Variants in IGSF9B observed in about 807,000 individuals in gnomAD.
IGSF9B encodes immunoglobulin superfamily member 9B, also known as protein turtle homolog B.
Under a neutral mutation model 143.7 loss-of-function variants are expected in IGSF9B, and 48 were observed. The ratio of observed to expected loss-of-function variants is 0.33; its 90% CI spans 0.26 to 0.42. The LOEUF (loss-of-function observed/expected upper bound fraction) is 0.42. Among genes scored for constraint, IGSF9B ranks in the 20% least tolerant of loss-of-function variants. The pLI is 1.00. For missense variants in IGSF9B, 1,706 were observed against 1,980.0 expected (o/e 0.86, Z 2.63); for synonymous variants, 903 against 833.1 (o/e 1.08, Z -1.44).
chr11:133,897,464 TGTCC>T lies in IGSF9B; in HGVS notation c.*11601_*11604del, dbSNP rs1939039582. On this transcript the variant is annotated 3_prime_UTR_variant, in exon 20 of 20. Transcript: ENST00000533871. ...GCAGTCTGCTCAGGCAGCAGAAGGGTGTCCCATCCTCACCGTCATCTTTTACTTC... is the reference window on the plus strand; with the variant it reads ...GCAGTCTGCTCAGGCAGCAGAAGGGTCATCCTCACCGTCATCTTTTACTTC... 6.6e-6 allele frequency: 1 copy of T among 152,148 alleles called. No individual in the cohort carries two copies. Among genetic ancestry groups the T allele is most frequent in the Non-Finnish European group, 1.5e-5 (1 of 68,064 alleles). 9.4% of individuals were successfully genotyped at this position (152,148 alleles called of 1,614,324 possible).
chr11:133,925,280 TC>T (rs769397509), intron 14 of IGSF9B, among the ~76,000 whole-genome samples: 22 of 152,314 alleles, frequency 1.4e-4, no homozygotes, highest in Non-Finnish European at 2.1e-4. Context: ...CAGCTAGATA[TC>T]CAAGTTTAAC....
In IGSF9B at chr11:133,925,840, C is replaced by G; in HGVS notation, c.1933G>C (p.Asp645His). Residue 645 changes from aspartate (D) to histidine (H), a missense_variant, in exon 14 of 20, where the codon GAC becomes CAC. Physicochemically the swap from Asp to His is moderately conservative, Grantham distance 81. This residue lies in a region of IGSF9B where 267 missense variants were observed against 321.1 expected (regional missense o/e 0.83). Coordinates refer to ENST00000533871, the MANE Select transcript of IGSF9B (RefSeq NM_001277285.4). Reference sequence around the variant, plus strand: ...ACACGGAACTCCATGATGTAGCGGTCGATGGGAAAGCTGTGGTTGGCAGGC... The same window carrying G: ...ACACGGAACTCCATGATGTAGCGGTGGATGGGAAAGCTGTGGTTGGCAGGC... ...LPPANHSFPI[D>H]RYIMEFRVAE... 6.2e-7 allele frequency: 1 copy of G among 1,613,810 alleles called. No homozygotes were observed. Among genetic ancestry groups the G allele is most frequent in the Non-Finnish European group, 8.5e-7 (1 of 1,179,858 alleles).
At chr11:133,955,606 A>T (rs1940237028) in intron 1 of IGSF9B, among the ~76,000 whole-genome samples, 1 of 152,078 alleles carries the variant, frequency 6.6e-6, no homozygotes, top group African/African-American at 2.4e-5. Context: ...GGCTTGGTGA[A>T]CTTGCCCGCA....
Position 133,930,978 on chromosome 11 carries a change from A to T in IGSF9B, c.1519+6T>A. ...GCCGCCCGGCCCAGCCTTGCCGGCCACGTACCGATGACGGTGAGGTGGGTG... is the reference window on the plus strand; with the variant it reads ...GCCGCCCGGCCCAGCCTTGCCGGCCTCGTACCGATGACGGTGAGGTGGGTG... On this transcript the variant is annotated splice_donor_region_variant and intron_variant, in intron 11 of 19. Coordinates refer to ENST00000533871, the MANE Select transcript of IGSF9B (RefSeq NM_001277285.4). 6.2e-7 allele frequency: 1 copy of T among 1,607,194 alleles called. No homozygotes were observed. The highest frequency in any genetic ancestry group is 8.5e-7 in the Non-Finnish European group (1 of 1,176,336).
At position 133,954,550 on chromosome 11, in the gene IGSF9B, G is replaced by A. The variant is rs145645647; in HGVS notation, c.64+2141C>T. Among the ~76,000 whole-genome samples, 396 of 152,288 alleles carry A rather than the reference G, an allele frequency of 2.6e-3. 1 individual carries two copies. The highest frequency in any genetic ancestry group is 6.0e-3 in the Admixed American group (92 of 15,298). ...AATAATGTTAATGTTTACTGAGCACGTACTATATAACAGGTAGTTGTTTTG... is the reference window on the plus strand; with the variant it reads ...AATAATGTTAATGTTTACTGAGCACATACTATATAACAGGTAGTTGTTTTG... On this transcript the variant is annotated intron_variant, in intron 1 of 19. Coordinates refer to ENST00000533871, the MANE Select transcript of IGSF9B (RefSeq NM_001277285.4).
chr11:133,913,628 G>A lies in IGSF9B; in HGVS notation c.3984-1621C>T, dbSNP rs1411672958. Among the ~76,000 whole-genome samples, 1 of 152,172 alleles carries A rather than the reference G, an allele frequency of 6.6e-6. No individual in the cohort carries two copies. The highest frequency in any genetic ancestry group is 1.9e-4 in the East Asian group (1 of 5,188). ...AAGAAGGCTACACAGGGTCCCTCAGGTGCACACACAGGCACACACAGCCCT... is the reference window on the plus strand; with the variant it reads ...AAGAAGGCTACACAGGGTCCCTCAGATGCACACACAGGCACACACAGCCCT... On this transcript the variant is annotated intron_variant, in intron 18 of 19. Coordinates refer to ENST00000533871, the MANE Select transcript of IGSF9B (RefSeq NM_001277285.4). The surrounding 1 kb of genome is among the most constrained non-coding windows in gnomAD (Gnocchi z 4.6).
chr11:133,917,016 A>G (rs1343623275), intron 18 of IGSF9B, among the ~76,000 whole-genome samples: 3 of 152,202 alleles, frequency 2.0e-5, no homozygotes, highest in Admixed American at 6.5e-5. Context: ...AAGAAATGTC[A>G]GGGCAGTCCT....
At chr11:133,934,329 G>A (rs868169311) in intron 7 of IGSF9B, among the ~76,000 whole-genome samples, 6 of 152,328 alleles carry the variant, frequency 3.9e-5, no homozygotes, top group South Asian at 4.1e-4. Flanking sequence ...CACAGCCTGC[G>A]TCCAGCACAG....
In IGSF9B at chr11:133,907,893, G is replaced by A. The variant is rs142426399; in HGVS notation, c.*1176C>T. Among the ~76,000 whole-genome samples the A allele has an allele frequency of 2.0e-3, 303 of 152,322 alleles. No individual in the cohort carries two copies. Among genetic ancestry groups the A allele is most frequent in the African/African-American group, 5.4e-3 (224 of 41,574 alleles). On this transcript the variant is annotated 3_prime_UTR_variant, in exon 20 of 20. Transcript: ENST00000533871. ...GAAGGCCCCGGGGCAGAGAAGAGTC[G>A]GCAGGCAGCACGTGGTGAGTGCGGG...
intron 18 of IGSF9B, chr11:133,919,118 C>CGGA (rs757623581): frequency 1.5e-5 from 1 of 65,186 alleles, no homozygotes; most frequent in Non-Finnish European, 3.3e-5. Flanking sequence ...GCGAGGTATA[C>CGGA]GGGGGGGGGG....
rs1312031556 is a variant in IGSF9B, at chr11:133,899,752, A to G, written c.*9317T>C. The G allele has an allele frequency of 1.3e-5, 2 of 152,376 alleles. No homozygotes were observed. Among genetic ancestry groups the G allele is most frequent in the African/African-American group, 4.8e-5 (2 of 41,582 alleles). The allele number at this position is 152,376 out of a possible 1,614,324, so 9.4% of individuals were successfully genotyped here. A position where few individuals can be genotyped will look rare whatever the true frequency, so the allele number is the denominator to read the frequency against. On this transcript the variant is annotated 3_prime_UTR_variant, in exon 20 of 20. Transcript: ENST00000533871. ...GGGTCTAGAAGCCAACAGAACAGTAATGGGAGCCTCCCTTGTGCAGAGACC... is the reference window on the plus strand; with the variant it reads ...GGGTCTAGAAGCCAACAGAACAGTAGTGGGAGCCTCCCTTGTGCAGAGACC...
At chr11:133,923,868 T>C (rs950956828) in intron 15 of IGSF9B, among the ~76,000 whole-genome samples, 10 of 152,370 alleles carry the variant, frequency 6.6e-5, no homozygotes, top group African/African-American at 2.2e-4. Flanking sequence ...GCTCCAGCCT[T>C]GGATGCAAGC....
At position 133,932,205 on chromosome 11, in the gene IGSF9B, G is replaced by A; in HGVS notation, c.976C>T (p.Arg326Cys). The A allele has an allele frequency of 6.4e-7, 1 of 1,563,110 alleles. No individual in the cohort carries two copies. Among genetic ancestry groups the A allele is most frequent in the Non-Finnish European group, 8.7e-7 (1 of 1,153,598 alleles). The change falls in exon 8 of 20, where the codon CGT becomes TGT. Residue 326 changes from arginine (R) to cysteine (C), a missense_variant. Physicochemically the swap from Arg to Cys is radical, Grantham distance 180. Transcript: ENST00000533871. ...ATCACAGGGGGCATGTTGAGGACAC[G>A]CGCTGGGTCTGCATAGAGGAAGCGC... ...SAYLTVQYPA[R>C]VLNMPPVIYV...
intron 18 of IGSF9B, chr11:133,919,133 G>GGGGGGGGGGT: frequency 2.5e-6 from 1 of 401,682 alleles, no homozygotes; most frequent in South Asian, 1.7e-5. Flanking sequence ...GGGGGGTGGG[G>GGGGGGGGGGT]GACGTGTCCT....
rs760357164 is a variant in IGSF9B, at chr11:133,925,942, G to A, written c.1831C>T (p.Pro611Ser). The change falls in exon 14 of 20, where the codon CCC becomes TCC. Residue 611 changes from proline (P) to serine (S), a missense_variant. Pro to Ser is a moderately conservative substitution (Grantham distance 74, BLOSUM62 -1). Coordinates refer to ENST00000533871, the MANE Select transcript of IGSF9B (RefSeq NM_001277285.4). ...TLAFPITTPE[P>S]LVLVTPPRCL... Reference sequence around the variant, plus strand: ...CTCGGTGGGGTGACCAGCACCAGGGGTTCTGGAGTTGTAATAGGGAATGCT... The same window carrying A: ...CTCGGTGGGGTGACCAGCACCAGGGATTCTGGAGTTGTAATAGGGAATGCT... 7 of 1,604,920 alleles carry A rather than the reference G, an allele frequency of 4.4e-6. No individual in the cohort carries two copies. The highest frequency in any genetic ancestry group is 4.3e-6 in the Non-Finnish European group (5 of 1,175,664).
At position 133,904,133 on chromosome 11, in the gene IGSF9B, A is replaced by G. The variant is rs1939179434; in HGVS notation, c.*4936T>C. ...CTGTGCAACTTCATGGCCGGAAGGA[A>G]GCCTCTCTACCTCAAGAGGAAAGGG... is the stretch of plus-strand genomic sequence containing the variant. On this transcript the variant is annotated 3_prime_UTR_variant, in exon 20 of 20. Coordinates refer to ENST00000533871, the MANE Select transcript of IGSF9B (RefSeq NM_001277285.4). 6.6e-6 allele frequency among the ~76,000 whole-genome samples: 1 copy of G among 152,182 alleles called. No individual in the cohort carries two copies. The highest frequency in any genetic ancestry group is 6.5e-5 in the Admixed American group (1 of 15,282).
chr11:133,902,803 G>C lies in IGSF9B; in HGVS notation c.*6266C>G, dbSNP rs149899164. On this transcript the variant is annotated 3_prime_UTR_variant, in exon 20 of 20. Transcript: ENST00000533871. ...GAGTGGCTGACAACTACCCTTTCAA[G>C]AACTGCAAGATGACCGTGAGGAGGC... Among the ~76,000 whole-genome samples, 30 of 152,236 alleles carry C rather than the reference G, an allele frequency of 2.0e-4. No homozygotes were observed. In the East Asian group the frequency reaches 5.6e-3, roughly 28 times the overall value.
In IGSF9B at chr11:133,902,282, CAG is replaced by C. The variant is rs1238134797; in HGVS notation, c.*6785_*6786del. On this transcript the variant is annotated 3_prime_UTR_variant, in exon 20 of 20. Transcript: ENST00000533871. ...CACACTGCATCACACACACACACAC[CAG>C]ACACATCACACATACACGCACACCA... 2.7e-5 allele frequency among the ~76,000 whole-genome samples: 4 copies of C among 146,984 alleles called. No homozygotes were observed. Among genetic ancestry groups the C allele is most frequent in the African/African-American group, 1.0e-4 (4 of 39,686 alleles).
In IGSF9B at chr11:133,900,795, A is replaced by G. The variant is rs1939108423; in HGVS notation, c.*8274T>C. ...CTAAGAATCTGCAGCAACACTAAAC[A>G]GGCCATGTGTTCTCCAAGACCAAGC... is the stretch of plus-strand genomic sequence containing the variant. On this transcript the variant is annotated 3_prime_UTR_variant, in exon 20 of 20. Transcript: ENST00000533871. The G allele has an allele frequency of 6.6e-6, 1 of 152,310 alleles. No homozygotes were observed. The highest frequency in any genetic ancestry group is 1.5e-5 in the Non-Finnish European group (1 of 68,078). The allele number at this position is 152,310 out of a possible 1,614,324, so 9.4% of individuals were successfully genotyped here.
Sources: allele counts gnomAD v4.1 joint callset (sites outside exome capture counted in the v4.1 genomes callset), GRCh38; gene constraint gnomAD v4.1.1; regional missense constraint gnomAD v4.1.1; non-coding constraint Gnocchi (gnomAD v3.1); transcripts MANE v1.5; gene names NCBI Gene and HGNC (gene_info 2026-07-23, HGNC 2026-07-21).